Variants in NSRP1 observed in about 807,000 individuals in gnomAD.
NSRP1 encodes the protein nuclear speckle splicing regulatory protein 1.
NSRP1 carries 24 observed loss-of-function variants against 54.7 expected under a neutral mutation model. The observed-to-expected ratio is 0.44, with a 90% CI of 0.32 to 0.62. The LOEUF is 0.62. NSRP1 is among the 20% of genes least tolerant of loss of function. The probability of loss-of-function intolerance (pLI) is 0.06; values close to 1 mark genes in which losing one functional copy is unlikely to be tolerated. For synonymous variants in NSRP1, 210 were observed against 213.8 expected (o/e 0.98, Z 0.15); for missense variants, 596 against 651.2 (o/e 0.92, Z 0.92).
chr17:30,161,568 G>A (rs1904516070), intron 2 of NSRP1, among the ~76,000 whole-genome samples: 1 of 152,012 alleles, frequency 6.6e-6, no homozygotes, highest in Non-Finnish European at 1.5e-5. Context: ...AGAAAAATGT[G>A]GAAAACAGAA....
chr17:30,171,142 T>C (rs538849344), intron 2 of NSRP1, among the ~76,000 whole-genome samples: 1 of 152,118 alleles, frequency 6.6e-6, no homozygotes, highest in Non-Finnish European at 1.5e-5. Context: ...TTGCATTCTT[T>C]TACATTTTTA....
chr17:30,119,271 T>C (rs1306442759), intron 2 of NSRP1, among the ~76,000 whole-genome samples: 4 of 151,532 alleles, frequency 2.6e-5, no homozygotes, highest in Non-Finnish European at 5.9e-5. Context: ...TATTTTTTTA[T>C]TTTTTTGTAT....
chr17:30,181,782 G>C (rs1304211768), intron 6 of NSRP1, among the ~76,000 whole-genome samples: 1 of 151,890 alleles, frequency 6.6e-6, no homozygotes, highest in Non-Finnish European at 1.5e-5. Context: ...GCTAATCTTT[G>C]TATTTTTAGT....
At chr17:30,138,182 G>A (rs2151885430) in intron 2 of NSRP1, among the ~76,000 whole-genome samples, 1 of 152,298 alleles carries the variant, frequency 6.6e-6, no homozygotes, top group Admixed American at 6.5e-5. Flanking sequence ...TATAGCATGT[G>A]TCAGAATTTT....
intron 3 of NSRP1, among the ~76,000 whole-genome samples, chr17:30,175,008 T>G (rs1905079608): frequency 6.6e-6 from 1 of 152,236 alleles, no homozygotes; most frequent in South Asian, 2.1e-4. Context: ...TTGGCGAGCC[T>G]TATACAATGA....
intron 2 of NSRP1, among the ~76,000 whole-genome samples, chr17:30,136,888 A>G (rs989995333): frequency 2.0e-5 from 3 of 152,166 alleles, no homozygotes; most frequent in African/African-American, 7.2e-5. Flanking sequence ...ATCATATTTT[A>G]TGTATATATC....
At chr17:30,146,333 TA>T (rs1167149184) in intron 2 of NSRP1, among the ~76,000 whole-genome samples, 1 of 152,232 alleles carries the variant, frequency 6.6e-6, no homozygotes, top group Non-Finnish European at 1.5e-5. Context: ...CTTGGATTTA[TA>T]AGTTATATTA....
intron 6 of NSRP1, among the ~76,000 whole-genome samples, chr17:30,183,688 G>A (rs1156409084): frequency 6.6e-6 from 1 of 152,136 alleles, no homozygotes; most frequent in East Asian, 1.9e-4. Context: ...ATACTATAAA[G>A]TTAACTGTAC....
In NSRP1 at chr17:30,185,097, C is replaced by T. The variant is rs760235374; in HGVS notation, c.1100C>T (p.Ala367Val). The change falls in exon 7 of 7, where the codon GCG becomes GTG. Residue 367 changes from alanine (A) to valine (V), a missense_variant. Transcript: ENST00000247026. Reference sequence around the variant, plus strand: ...CATGAACAGGAAGATAAACCAAGGGCGAGGGACCAAAGAGAAAGAAGTGAC... The same window carrying T: ...CATGAACAGGAAGATAAACCAAGGGTGAGGGACCAAAGAGAAAGAAGTGAC... ...KRHEQEDKPR[A>V]RDQRERSDRV... is the part of the protein sequence containing the mutation. 1.8e-5 allele frequency: 29 copies of T among 1,612,898 alleles called. No individual in the cohort carries two copies. The South Asian group carries it at 2.2e-4, about 12-fold the overall frequency.
At chr17:30,169,640 A>G (rs1258989574) in intron 2 of NSRP1, among the ~76,000 whole-genome samples, 3 of 152,104 alleles carry the variant, frequency 2.0e-5, no homozygotes, top group Admixed American at 1.3e-4. Context: ...TATACTTAGC[A>G]TAGCACCTAG....
chr17:30,141,045 A>G (rs1220447262), intron 2 of NSRP1, among the ~76,000 whole-genome samples: 1 of 152,158 alleles, frequency 6.6e-6, no homozygotes, highest in Middle Eastern at 3.2e-3. Context: ...GGTCTTAAAC[A>G]CCTGGGCTCA....
chr17:30,117,387 C>T (rs1434357153), intron 1 of NSRP1: 2 of 472,678 alleles, frequency 4.2e-6, no homozygotes, highest in Non-Finnish European at 7.5e-6. Flanking sequence ...AAATACTGTA[C>T]GTACTTGAAA....
At chr17:30,148,315 A>G (rs1307252775) in intron 2 of NSRP1, among the ~76,000 whole-genome samples, 1 of 152,230 alleles carries the variant, frequency 6.6e-6, no homozygotes, top group East Asian at 1.9e-4. Context: ...AACTCAATTC[A>G]CTAAAACTTG....
intron 2 of NSRP1, among the ~76,000 whole-genome samples, chr17:30,135,487 T>A (rs2071741882): frequency 6.6e-6 from 1 of 151,368 alleles, no homozygotes; most frequent in Admixed American, 6.6e-5. Flanking sequence ...TTTTGTTTTG[T>A]TTTTCAGACG....
intron 2 of NSRP1, among the ~76,000 whole-genome samples, chr17:30,121,618 C>T (rs1317240661): frequency 6.9e-6 from 1 of 145,880 alleles, no homozygotes; most frequent in Non-Finnish European, 1.5e-5. Flanking sequence ...GGCTGGAGTG[C>T]GGTGGCGTGA....
At position 30,123,274 on chromosome 17, in the gene NSRP1, C is replaced by T. The variant is rs150098743; in HGVS notation, c.114+5101C>T. On this transcript the variant is annotated intron_variant, in intron 2 of 6. Coordinates refer to ENST00000247026, the MANE Select transcript of NSRP1 (RefSeq NM_032141.4). ...CTGGGATTACAGGCATGTGCCACTA[C>T]GCCCAGCTAATTTTTGTATTTTTAG... Among the ~76,000 whole-genome samples, 55 of 151,954 alleles carry T rather than the reference C, an allele frequency of 3.6e-4. No individual in the cohort carries two copies. The East Asian group carries it at 8.9e-3, about 25-fold the overall frequency.
chr17:30,186,421 A>G lies in NSRP1; in HGVS notation c.*747A>G, dbSNP rs1411064728. ...AAAATGTGAATCATCTTGTCTAAAT[A>G]GCTTACAGCATAGTTGGCTTAAATG... On this transcript the variant is annotated 3_prime_UTR_variant, in exon 7 of 7. Coordinates refer to ENST00000247026, the MANE Select transcript of NSRP1 (RefSeq NM_032141.4). 6.6e-6 allele frequency: 1 copy of G among 152,256 alleles called. No homozygotes were observed. Among genetic ancestry groups the G allele is most frequent in the African/African-American group, 2.4e-5 (1 of 41,464 alleles). 9.4% of individuals were successfully genotyped at this position (152,256 alleles called of 1,614,324 possible). A position where few individuals can be genotyped will look rare whatever the true frequency, so the allele number is the denominator to read the frequency against.
At chr17:30,118,561 CTT>C (rs35779000) in intron 2 of NSRP1, among the ~76,000 whole-genome samples, 1 of 151,188 alleles carries the variant, frequency 6.6e-6, no homozygotes, top group Non-Finnish European at 1.5e-5. Flanking sequence ...AACAACGCTA[CTT>C]TTTTTTTAAA....
At chr17:30,142,495 A>T (rs75281932) in intron 2 of NSRP1, among the ~76,000 whole-genome samples, 9 of 138,870 alleles carry the variant, frequency 6.5e-5, no homozygotes, top group African/African-American at 2.1e-4. Context: ...CTGGCTAATT[A>T]AAAAAAAAAA....
Sources: gnomAD v4.1 joint callset for allele counts (sites outside exome capture counted in the v4.1 genomes callset) on GRCh38, gnomAD v4.1.1 for gene constraint, MANE v1.5 for transcripts, NCBI Gene and HGNC (gene_info 2026-07-23, HGNC 2026-07-21) for gene names.